RARB: variants seen among roughly 807,000 people sequenced by gnomAD.
The protein encoded by RARB is retinoic acid receptor beta, also known as HBV-activated protein.
RARB carries 17 observed loss-of-function variants against 51.9 expected under a neutral mutation model. That is an observed-to-expected ratio of 0.33 (90% CI 0.22 to 0.49). RARB has a LOEUF of 0.49. Ranked by LOEUF, RARB falls within the 20% of genes least tolerant of loss-of-function variation. The pLI is 0.99. For missense variants in RARB, 369 were observed against 550.8 expected (o/e 0.67, Z 3.30); for synonymous variants, 215 against 195.4 (o/e 1.10, Z -0.84).
At chr3:25,470,289 T>C (rs1054375217) in intron 2 of RARB, among the ~76,000 whole-genome samples, 1 of 152,182 alleles carries the variant, frequency 6.6e-6, no homozygotes, top group Non-Finnish European at 1.5e-5. Flanking sequence ...AAAAAAGTTT[T>C]AAAATGCAAT....
intron 1 of RARB, among the ~76,000 whole-genome samples, chr3:24,850,598 A>C (rs1702543097): frequency 6.6e-6 from 1 of 152,046 alleles, no homozygotes; most frequent in African/African-American, 2.4e-5. Context: ...AAACCTATGC[A>C]GACAGAAGAG....
chr3:25,418,592 C>T (rs1707771201), intron 5 of RARB, among the ~76,000 whole-genome samples: 1 of 151,710 alleles, frequency 6.6e-6, no homozygotes, highest in African/African-American at 2.4e-5. Context: ...TGTAACTTGT[C>T]CATCTCAACA....
At chr3:25,291,343 G>C (rs916026105) in intron 5 of RARB, among the ~76,000 whole-genome samples, 3 of 152,090 alleles carry the variant, frequency 2.0e-5, no homozygotes, top group African/African-American at 7.2e-5. Context: ...AGTCATTAAT[G>C]GTCCCAAATA....
intron 5 of RARB, among the ~76,000 whole-genome samples, chr3:25,197,238 G>A (rs992315715): frequency 6.6e-6 from 1 of 151,958 alleles, no homozygotes; most frequent in Admixed American, 6.6e-5. Flanking sequence ...GAATTAATTT[G>A]TGTATAAGGT....
At chr3:25,050,819 T>G (rs1698318036) in intron 2 of RARB, among the ~76,000 whole-genome samples, 1 of 152,242 alleles carries the variant, frequency 6.6e-6, no homozygotes, top group Non-Finnish European at 1.5e-5. Flanking sequence ...CAAATATTGC[T>G]TACATATGAA....
At chr3:25,533,117 T>C (rs1269495530) in intron 3 of RARB, among the ~76,000 whole-genome samples, 1 of 152,222 alleles carries the variant, frequency 6.6e-6, no homozygotes, top group Non-Finnish European at 1.5e-5. Flanking sequence ...GCATTCATTG[T>C]AAAGGCCATG....
intron 5 of RARB, among the ~76,000 whole-genome samples, chr3:25,251,853 T>A (rs1288531488): frequency 6.6e-6 from 1 of 152,174 alleles, no homozygotes; most frequent in Non-Finnish European, 1.5e-5. Flanking sequence ...AGTACAAATG[T>A]TTTCAATTTT....
intron 5 of RARB, among the ~76,000 whole-genome samples, chr3:25,356,533 A>G (rs1170805527): frequency 6.6e-6 from 1 of 151,680 alleles, no homozygotes; most frequent in Non-Finnish European, 1.5e-5. Flanking sequence ...TTTTTATTAT[A>G]CTTTAAGTTC....
chr3:24,971,944 T>C (rs753997033), intron 2 of RARB, among the ~76,000 whole-genome samples: 2 of 151,616 alleles, frequency 1.3e-5, no homozygotes, highest in African/African-American at 4.8e-5. Flanking sequence ...TTGATACATG[T>C]GTATAATCAA....
At chr3:25,402,538 A>T (rs1340975804) in intron 5 of RARB, among the ~76,000 whole-genome samples, 2 of 152,228 alleles carry the variant, frequency 1.3e-5, no homozygotes, top group Non-Finnish European at 1.5e-5. Context: ...AATAGCTAAG[A>T]TTTGGAAGCA....
chr3:25,331,510 G>A (rs1704894379), intron 5 of RARB, among the ~76,000 whole-genome samples: 1 of 152,118 alleles, frequency 6.6e-6, no homozygotes, highest in South Asian at 2.1e-4. Flanking sequence ...AGAATCTCTG[G>A]GACACATGTA....
intron 5 of RARB, among the ~76,000 whole-genome samples, chr3:25,269,277 A>G (rs1049986160): frequency 4.6e-5 from 7 of 152,226 alleles, no homozygotes; most frequent in Non-Finnish European, 8.8e-5. Flanking sequence ...TTCTGAAATG[A>G]AAGATCATGA....
chr3:25,516,438 G>A (rs1698163570), intron 3 of RARB, among the ~76,000 whole-genome samples: 1 of 151,964 alleles, frequency 6.6e-6, no homozygotes, highest in Admixed American at 6.6e-5. Context: ...ATTAAAAAAA[G>A]CAAGGTGCTT....
intron 2 of RARB, among the ~76,000 whole-genome samples, chr3:24,922,719 C>G (rs1448259340): frequency 1.3e-5 from 2 of 152,104 alleles, no homozygotes; most frequent in Non-Finnish European, 2.9e-5. Flanking sequence ...CTAGAGTAGG[C>G]AATTTACAAA....
At chr3:24,843,432 A>G (rs1291314531) in intron 1 of RARB, among the ~76,000 whole-genome samples, 1 of 152,190 alleles carries the variant, frequency 6.6e-6, no homozygotes, top group Non-Finnish European at 1.5e-5. Flanking sequence ...ACATTTTCTC[A>G]CCTGTAAAAG....
intron 5 of RARB, among the ~76,000 whole-genome samples, chr3:25,344,848 C>T (rs1483969929): frequency 6.6e-6 from 1 of 152,084 alleles, no homozygotes; most frequent in Non-Finnish European, 1.5e-5. Context: ...TTCATTTAAA[C>T]CTTTTATACA....
intron 3 of RARB, among the ~76,000 whole-genome samples, chr3:25,556,350 C>G (rs144158676): frequency 6.6e-6 from 1 of 152,150 alleles, no homozygotes; most frequent in Admixed American, 6.5e-5. Context: ...GACCTGGGAG[C>G]TTTGGCTTAT....
intron 5 of RARB, among the ~76,000 whole-genome samples, chr3:25,591,062 G>A (rs1432946077): frequency 6.6e-6 from 1 of 152,214 alleles, no homozygotes; most frequent in Non-Finnish European, 1.5e-5. Context: ...AGGTCAACCA[G>A]TTGGGAAACC....
At chr3:25,234,330 T>C (rs1163565301) in intron 5 of RARB, among the ~76,000 whole-genome samples, 1 of 152,184 alleles carries the variant, frequency 6.6e-6, no homozygotes, top group Non-Finnish European at 1.5e-5. Flanking sequence ...TCTAAGTTAT[T>C]AGACTTTGTG....
Sources: allele counts gnomAD v4.1 joint callset (sites outside exome capture counted in the v4.1 genomes callset), GRCh38; gene constraint gnomAD v4.1.1; transcripts MANE v1.5; gene names NCBI Gene and HGNC (gene_info 2026-07-23, HGNC 2026-07-21).